Variants in CCAR1 observed in about 807,000 individuals in gnomAD.
The protein encoded by CCAR1 is cell division cycle and apoptosis regulator 1.
Under a neutral mutation model 163.8 loss-of-function variants are expected in CCAR1, and 78 were observed. The ratio of observed to expected loss-of-function variants is 0.48; its 90% CI spans 0.40 to 0.57. The LOEUF (loss-of-function observed/expected upper bound fraction) is 0.57. Among genes scored for constraint, CCAR1 ranks in the 20% least tolerant of loss-of-function variants. The probability of loss-of-function intolerance (pLI) is 0.00; values close to 1 mark genes in which losing one functional copy is unlikely to be tolerated. For missense variants in CCAR1, 1,019 were observed against 1,365.2 expected, an observed-to-expected ratio of 0.75 and a Z score of 4.00; for synonymous variants, 443 against 460.7, an observed-to-expected ratio of 0.96 and a Z score of 0.49.
intron 19 of CCAR1, chr10:68,774,941 T>C (rs1271619947): frequency 2.6e-6 from 1 of 388,738 alleles, no homozygotes; most frequent in South Asian, 1.9e-5. Context: ...TTTTTGTTTT[T>C]TTTTTTACAG....
chr10:68,749,746 A>G, intron 10 of CCAR1, 61 bp downstream of exon 10: 1 of 1,406,914 alleles, frequency 7.1e-7, no homozygotes, highest in Non-Finnish European at 9.9e-7. Context: ...TTGATAGAAT[A>G]TGTCACAGAG....
rs2055873498 is a variant in CCAR1, at chr10:68,722,493, TC to T, written c.-10del. 6.2e-7 allele frequency: 1 copy of T among 1,612,628 alleles called. No homozygotes were observed. The highest frequency in any genetic ancestry group is 8.5e-7 in the Non-Finnish European group (1 of 1,178,644). On this transcript the variant is annotated 5_prime_UTR_variant, in exon 2 of 25. Transcript: ENST00000265872. ...AAGACAAACAAGGGAAGGTTTTTTTTCCTTTTGCATCATGGCTCAATTTGGA... is the reference window on the plus strand; with the variant it reads ...AAGACAAACAAGGGAAGGTTTTTTTTCTTTTGCATCATGGCTCAATTTGGA...
chr10:68,776,874 C>G (rs754470771), intron 19 of CCAR1, among the ~76,000 whole-genome samples: 1 of 152,120 alleles, frequency 6.6e-6, no homozygotes, highest in Non-Finnish European at 1.5e-5. Flanking sequence ...ACTTCTCTCC[C>G]AGTCTCTCAT....
chr10:68,749,498 G>A (rs1219993621), intron 9 of CCAR1, 26 bp from the exon 10 acceptor site: 2 of 1,579,956 alleles, frequency 1.3e-6, no homozygotes, highest in African/African-American at 1.4e-5. Flanking sequence ...AGAAATATTA[G>A]TAATTTTAGA....
At chr10:68,725,347 G>A (rs143659475) in intron 2 of CCAR1, among the ~76,000 whole-genome samples, 4 of 151,940 alleles carry the variant, frequency 2.6e-5, no homozygotes, top group African/African-American at 7.2e-5. Context: ...GCAGTGAGCC[G>A]AGATGGCACC....
chr10:68,722,955 G>T (rs1239886792), intron 2 of CCAR1, among the ~76,000 whole-genome samples: 1 of 151,722 alleles, frequency 6.6e-6, no homozygotes, highest in African/African-American at 2.4e-5. Context: ...GAATTAGGCT[G>T]TTCTGATATT....
At chr10:68,743,907 G>A (rs190015087) in intron 6 of CCAR1, among the ~76,000 whole-genome samples, 57 of 152,158 alleles carry the variant, frequency 3.7e-4, no homozygotes, top group Non-Finnish European at 5.0e-4. Flanking sequence ...CTGCCACCAC[G>A]CCTGGGTAAT....
At chr10:68,749,021 A>G (rs1005658016) in intron 8 of CCAR1, 115 bp from the exon 9 acceptor site, 14 of 1,306,764 alleles carry the variant, frequency 1.1e-5, no homozygotes, top group Non-Finnish European at 1.1e-6. Flanking sequence ...GCCAACTTTG[A>G]AAAAACAATT....
At chr10:68,773,302 C>CAT (rs1564548579) in intron 19 of CCAR1, among the ~76,000 whole-genome samples, 2 of 151,990 alleles carry the variant, frequency 1.3e-5, no homozygotes, top group Non-Finnish European at 2.9e-5. Context: ...TCCTATGTCT[C>CAT]ATATATAATT....
intron 19 of CCAR1, 146 bp downstream of exon 19, chr10:68,773,245 G>T: frequency 2.1e-6 from 1 of 478,726 alleles, no homozygotes; most frequent in Non-Finnish European, 3.7e-6. Flanking sequence ...AAGTTTTTCT[G>T]ATTTTTAGGT....
intron 4 of CCAR1, 108 bp from the exon 5 acceptor site, chr10:68,740,521 T>TA: frequency 1.1e-6 from 1 of 940,426 alleles, no homozygotes; most frequent in South Asian, 1.5e-5. Flanking sequence ...AATACATAAA[T>TA]AAAAATAAGT....
intron 14 of CCAR1, 33 bp from the exon 15 acceptor site, chr10:68,757,261 A>G (rs1484243069): frequency 2.9e-6 from 3 of 1,046,472 alleles, no homozygotes; most frequent in Admixed American, 3.9e-5. Flanking sequence ...AAGGTTTCAT[A>G]ATAGTAATTA....
Position 68,725,577 on chromosome 10 carries a change from G to A in CCAR1, c.73+3000G>A, listed in dbSNP as rs576891507. ...CCTGTAGATTCAGAATTTTTTACTTGAATGAAACCAGTTGTGTTTAGGGAT... is the reference window on the plus strand; with the variant it reads ...CCTGTAGATTCAGAATTTTTTACTTAAATGAAACCAGTTGTGTTTAGGGAT... On this transcript the variant is annotated intron_variant, in intron 2 of 24. Coordinates refer to ENST00000265872, the MANE Select transcript of CCAR1 (RefSeq NM_018237.4). Among the ~76,000 whole-genome samples the A allele has an allele frequency of 4.2e-3, 643 of 151,536 alleles. 1 individual carries two copies. Among genetic ancestry groups the A allele is most frequent in the Non-Finnish European group, 7.0e-3 (476 of 67,912 alleles).
intron 15 of CCAR1, among the ~76,000 whole-genome samples, chr10:68,758,031 G>T (rs528537375): frequency 6.6e-6 from 1 of 152,026 alleles, no homozygotes; most frequent in African/African-American, 2.4e-5. Context: ...GTGAGCCACC[G>T]TGCCTGGCCG....
intron 16 of CCAR1, among the ~76,000 whole-genome samples, chr10:68,764,551 A>T (rs1005145220): frequency 5.9e-5 from 9 of 151,844 alleles, no homozygotes; most frequent in Non-Finnish European, 1.3e-4. Context: ...AAAAAAAAAA[A>T]GTTGCATGTA....
chr10:68,732,369 A>T (rs1217527866), intron 2 of CCAR1, among the ~76,000 whole-genome samples: 4 of 149,730 alleles, frequency 2.7e-5, no homozygotes, highest in African/African-American at 1.0e-4. Flanking sequence ...TGTTTGTTTG[A>T]GACAGAGTCT....
At chr10:68,760,818 CA>C (rs1469069716) in intron 15 of CCAR1, 188 bp from the exon 16 acceptor site, 1 of 361,840 alleles carries the variant, frequency 2.8e-6, no homozygotes, top group Admixed American at 4.6e-5. Flanking sequence ...AAGCCGAGAT[CA>C]CGCCACTGCA....
intron 17 of CCAR1, among the ~76,000 whole-genome samples, chr10:68,768,566 G>A (rs907399726): frequency 2.6e-5 from 4 of 152,218 alleles, no homozygotes; most frequent in African/African-American, 9.6e-5. Flanking sequence ...AGCCAAGATT[G>A]TGCCACTGCA....
chr10:68,784,059 A>G (rs537595987), intron 19 of CCAR1, among the ~76,000 whole-genome samples: 2 of 152,006 alleles, frequency 1.3e-5, no homozygotes, highest in East Asian at 3.9e-4. Flanking sequence ...CGCCCGGCCA[A>G]TTGTTTGCTT....
Sources: gnomAD v4.1 joint callset for allele counts (sites outside exome capture counted in the v4.1 genomes callset) on GRCh38, gnomAD v4.1.1 for gene constraint, MANE v1.5 for transcripts, NCBI Gene and HGNC (gene_info 2026-07-23, HGNC 2026-07-21) for gene names.